The following LAMTOR1 variants were observed in gnomAD, a reference collection of about 807,000 sequenced individuals.
The protein encoded by LAMTOR1 is ragulator complex protein LAMTOR1.
A neutral mutation model predicts 20.5 loss-of-function variants in LAMTOR1; 8 were observed. The ratio of observed to expected loss-of-function variants is 0.39; its 90% CI spans 0.23 to 0.70. LAMTOR1 has a LOEUF of 0.70. Ranked by LOEUF, LAMTOR1 falls within the 30% of genes least tolerant of loss-of-function variation. The probability of loss-of-function intolerance (pLI) is 0.43; values close to 1 mark genes in which losing one functional copy is unlikely to be tolerated. For synonymous variants in LAMTOR1, 77 were observed against 80.9 expected (o/e 0.95, Z 0.26); for missense variants, 135 against 206.2 (o/e 0.65, Z 2.11).
At position 72,097,805 on chromosome 11, in the gene LAMTOR1, T is replaced by C. The variant is rs1431336123; in HGVS notation, c.*17A>G. The C allele has an allele frequency of 6.2e-7, 1 of 1,613,878 alleles. No homozygotes were observed. The highest frequency in any genetic ancestry group is 8.5e-7 in the Non-Finnish European group (1 of 1,179,956). On this transcript the variant is annotated 3_prime_UTR_variant, in exon 5 of 5. Transcript: ENST00000278671. ...TGGGATGAAGAGAGGAGAAGAGCTG[T>C]CCAAGGACCCCTCTCTTCATGGGAT...
chr11:72,099,218 G>A lies in LAMTOR1; in HGVS notation c.81C>T (p.Ser27=), dbSNP rs1945348299. 4 of 1,605,042 alleles carry A rather than the reference G, an allele frequency of 2.5e-6. No individual in the cohort carries two copies. The African/African-American group carries it at 5.4e-5, about 21-fold the overall frequency. Residue 27 remains serine (S), a synonymous_variant, in exon 2 of 5, where the codon AGC becomes AGT. Transcript: ENST00000278671. ...EERKLLLDPS[S]PPTKALNGAE... The stretch of plus-strand genomic sequence containing the variant: ...CTCCATTGAGAGCTTTGGTAGGGGG[G>A]CTGCTAGGGTCCAGCAGCAGCTTCC...
intron 2 of LAMTOR1, 80 bp from the exon 3 acceptor site, chr11:72,098,938 C>A: frequency 7.3e-7 from 1 of 1,375,644 alleles, no homozygotes; most frequent in East Asian, 2.5e-5. Flanking sequence ...GTACCAACTC[C>A]AGGGCTATCT....
In LAMTOR1 at chr11:72,097,793, G is replaced by A. The variant is rs1368131310; in HGVS notation, c.*29C>T. The A allele has an allele frequency of 1.2e-6, 2 of 1,613,920 alleles. No individual in the cohort carries two copies. Among genetic ancestry groups the A allele is most frequent in the South Asian group, 1.1e-5 (1 of 91,068 alleles). On this transcript the variant is annotated 3_prime_UTR_variant, in exon 5 of 5. Coordinates refer to ENST00000278671, the MANE Select transcript of LAMTOR1 (RefSeq NM_017907.3). Reference sequence around the variant, plus strand: ...GTGGGGTAGAGATGGGATGAAGAGAGGAGAAGAGCTGTCCAAGGACCCCTC... The same window carrying A: ...GTGGGGTAGAGATGGGATGAAGAGAAGAGAAGAGCTGTCCAAGGACCCCTC...
At position 72,097,670 on chromosome 11, in the gene LAMTOR1, T is replaced by C; in HGVS notation, c.*152A>G. 1 of 1,517,054 alleles carries C rather than the reference T, an allele frequency of 6.6e-7. No individual in the cohort carries two copies. Among genetic ancestry groups the C allele is most frequent in the Non-Finnish European group, 8.8e-7 (1 of 1,132,380 alleles). The allele number at this position is 1,517,054 out of a possible 1,614,324, so 94.0% of individuals were successfully genotyped here. ...GGTTCTACCCTCACTTGCTCAGGCTTCTAGCCTTCCTCTTCTCCTCCTTCT... is the reference window on the plus strand; with the variant it reads ...GGTTCTACCCTCACTTGCTCAGGCTCCTAGCCTTCCTCTTCTCCTCCTTCT... On this transcript the variant is annotated 3_prime_UTR_variant, in exon 5 of 5. Transcript: ENST00000278671.
intron 3 of LAMTOR1, 181 bp from the exon 4 acceptor site, chr11:72,098,596 A>C (rs1427906167): frequency 1.2e-6 from 1 of 857,892 alleles, no homozygotes; most frequent in Non-Finnish European, 1.8e-6. Context: ...CAGCGCCCTC[A>C]AGAGTGTCAC....
At chr11:72,098,527 T>C in intron 3 of LAMTOR1, 112 bp from the exon 4 acceptor site, 1 of 1,326,800 alleles carries the variant, frequency 7.5e-7, no homozygotes, top group Non-Finnish European at 1.0e-6. Context: ...AGGAGGGGTA[T>C]CTGGGAGGGA....
intron 1 of LAMTOR1, among the ~76,000 whole-genome samples, chr11:72,101,567 C>G (rs1945439527): frequency 6.6e-6 from 1 of 152,184 alleles, no homozygotes; most frequent in Admixed American, 6.5e-5. Context: ...AATTAGATAA[C>G]TGTGAAGGCC....
At chr11:72,099,289 AG>A in intron 1 of LAMTOR1, 33 bp from the exon 2 acceptor site, 1 of 1,520,870 alleles carries the variant, frequency 6.6e-7, no homozygotes, top group African/African-American at 1.4e-5. Context: ...AGTCAGCCCC[AG>A]GACCCGTAGA....
At chr11:72,097,960 G>A (rs969136417) in intron 4 of LAMTOR1, 46 bp from the exon 5 acceptor site, 11 of 1,539,162 alleles carry the variant, frequency 7.1e-6, no homozygotes, top group Non-Finnish European at 7.9e-6. Flanking sequence ...AGACAGGTGA[G>A]GAGGGCAATC....
intron 1 of LAMTOR1, 43 bp downstream of exon 1, chr11:72,103,140 T>G: frequency 6.4e-7 from 1 of 1,569,026 alleles, no homozygotes; most frequent in South Asian, 1.2e-5. Context: ...CATGCCCCAG[T>G]GTCTTAGCCC....
intron 4 of LAMTOR1, 138 bp from the exon 5 acceptor site, chr11:72,098,052 G>T: frequency 8.7e-7 from 1 of 1,144,228 alleles, no homozygotes; most frequent in Non-Finnish European, 1.2e-6. Flanking sequence ...GAAAGACAGG[G>T]ATGGGAGAGA....
Position 72,099,175 on chromosome 11 carries a change from T to C in LAMTOR1, c.124A>G (p.Ser42Gly), listed in dbSNP as rs766185001. ...TCATCAGTGCGAGCGGAAGGCAGGCTGTGGTAGTTGGGCTCGGCTCCATTG... is the reference window on the plus strand; with the variant it reads ...TCATCAGTGCGAGCGGAAGGCAGGCCGTGGTAGTTGGGCTCGGCTCCATTG... ...ALNGAEPNYH[S>G]LPSARTDEQA... The change falls in exon 2 of 5, where the codon AGC (serine) becomes GGC (glycine). Residue 42 changes from serine to glycine, a missense_variant. Physicochemically the swap from Ser to Gly is moderately conservative, Grantham distance 56 (BLOSUM62 0). Coordinates refer to ENST00000278671, the MANE Select transcript of LAMTOR1 (RefSeq NM_017907.3). The C allele has an allele frequency of 6.2e-7, 1 of 1,613,446 alleles. No homozygotes were observed. Among genetic ancestry groups the C allele is most frequent in the East Asian group, 2.2e-5 (1 of 44,846 alleles).
At position 72,097,292 on chromosome 11, in the gene LAMTOR1, T is replaced by C. The variant is rs1200965030; in HGVS notation, c.*530A>G. ...GAACAGAGGGGCCAGAACCAGCACATGGATGAATATACTTCCTTTATCGAG... is the reference window on the plus strand; with the variant it reads ...GAACAGAGGGGCCAGAACCAGCACACGGATGAATATACTTCCTTTATCGAG... On this transcript the variant is annotated 3_prime_UTR_variant, in exon 5 of 5. Transcript: ENST00000278671. 2.0e-6 allele frequency: 2 copies of C among 994,018 alleles called. No individual in the cohort carries two copies. The highest frequency in any genetic ancestry group is 1.1e-4 in the East Asian group (1 of 8,962). 61.6% of individuals were successfully genotyped at this position (994,018 alleles called of 1,614,324 possible).
chr11:72,099,076 G>A (rs527464487), intron 2 of LAMTOR1, 35 bp downstream of exon 2: 46 of 1,609,692 alleles, frequency 2.9e-5, no homozygotes, highest in Admixed American at 1.7e-4. Context: ...ATGGATAGAG[G>A]AGCTCTGACC....
At chr11:72,101,801 G>A (rs999452069) in intron 1 of LAMTOR1, among the ~76,000 whole-genome samples, 2 of 152,094 alleles carry the variant, frequency 1.3e-5, no homozygotes, top group African/African-American at 2.4e-5. Context: ...AGATTCAGGA[G>A]AGCAGCAGGC....
rs1945350847 is a variant in LAMTOR1, at chr11:72,099,263, G to A, written c.43-7C>T. 1 of 1,541,962 alleles carries A rather than the reference G, an allele frequency of 6.5e-7. No homozygotes were observed. Among genetic ancestry groups the A allele is most frequent in the Non-Finnish European group, 8.8e-7 (1 of 1,141,440 alleles). On this transcript the variant is annotated splice_polypyrimidine_tract_variant and splice_region_variant and intron_variant, in intron 1 of 4. Transcript: ENST00000278671. ...GCTTCCGCTCCTCTCGGTCCTAGAA[G>A]TGGTCATGGGAGAGAAGTCAGCCCC...
Position 72,098,382 on chromosome 11 carries a change from G to A in LAMTOR1, c.300C>T (p.Thr100=), listed in dbSNP as rs199979442. 1.1e-4 allele frequency: 183 copies of A among 1,612,442 alleles called. 1 individual carries two copies. In the South Asian group the frequency reaches 1.9e-3, roughly 17 times the overall value. Residue 100 remains threonine, a synonymous_variant, in exon 4 of 5, where the codon ACC becomes ACT. Coordinates refer to ENST00000278671, the MANE Select transcript of LAMTOR1 (RefSeq NM_017907.3). ...GCAGCGGTGGCAGCTTCTTCCAATG[G>A]GTCAGGCTGCTGCTCAGCACAGCCA... ...TRLAVLSSSL[T]HWKKLPPLPS... is the part of the protein sequence containing the mutation.
chr11:72,098,336 G>A lies in LAMTOR1; in HGVS notation c.346C>T (p.His116Tyr). The change falls in exon 4 of 5, where the codon CAC (histidine) becomes TAC (tyrosine). Residue 116 changes from histidine (H) to tyrosine (Y), a missense_variant. Physicochemically the swap from His to Tyr is moderately conservative, Grantham distance 83. Transcript: ENST00000278671. ...PPLPSLTSQPHQVLASEPIPF... is the reference protein window; with the variant it reads ...PPLPSLTSQPYQVLASEPIPF... ...ATGGGCTCACTGGCCAGCACTTGGT[G>A]GGGCTGGCTGGTAAGAGACGGCAGC... 1 of 1,613,646 alleles carries A rather than the reference G, an allele frequency of 6.2e-7. No homozygotes were observed. The highest frequency in any genetic ancestry group is 8.5e-7 in the Non-Finnish European group (1 of 1,179,882).
At chr11:72,098,760 C>A in intron 3 of LAMTOR1, 21 bp downstream of exon 3, 1 of 1,517,084 alleles carries the variant, frequency 6.6e-7, no homozygotes. Context: ...CCTGAGGGAC[C>A]CACGCTGGCC....
Sources: allele counts gnomAD v4.1 joint callset (sites outside exome capture counted in the v4.1 genomes callset), GRCh38; gene constraint gnomAD v4.1.1; transcripts MANE v1.5; gene names NCBI Gene and HGNC (gene_info 2026-07-23, HGNC 2026-07-21).